The following CSMD1 variants were observed in gnomAD, a reference collection of about 807,000 sequenced individuals.
CSMD1 encodes the protein CUB and Sushi multiple domains 1, also known as CUB and sushi domain-containing protein 1.
A neutral mutation model predicts 417.5 loss-of-function variants in CSMD1; 213 were observed. The ratio of observed to expected loss-of-function variants is 0.51; its 90% confidence interval spans 0.46 to 0.57. CSMD1 has a LOEUF of 0.57. CSMD1 is among the 20% of genes least tolerant of loss of function. CSMD1 has a pLI of 0.00. For missense variants in CSMD1, 6,923 were observed against 4,529.7 expected (o/e 1.53, Z -15.17); for synonymous variants, 2,862 against 1,736.8 (o/e 1.65, Z -16.11).
At chr8:4,311,103 GA>G (rs1798537764) in intron 3 of CSMD1, among the ~76,000 whole-genome samples, 1 of 152,158 alleles carries the variant, frequency 6.6e-6, no homozygotes, top group African/African-American at 2.4e-5. Flanking sequence ...TATCTTCAAA[GA>G]GCTAGAAGCT....
rs183963095 is a variant in CSMD1, at chr8:4,281,315, T to C, written c.415+138638A>G. Among the ~76,000 whole-genome samples the C allele has an allele frequency of 2.1e-3, 313 of 152,320 alleles. 2 individuals carry two copies. Among genetic ancestry groups the C allele is most frequent in the Non-Finnish European group, 1.5e-3 (105 of 68,030 alleles). On this transcript the variant is annotated intron_variant, in intron 3 of 69. Coordinates refer to ENST00000635120, the MANE Select transcript of CSMD1 (RefSeq NM_033225.6). The stretch of plus-strand genomic sequence containing the variant: ...AGAGATATGAAAACCTGATAGTAAC[T>C]GCGAGAACAGGTGGTCCCAGGCCCA...
At chr8:4,222,964 T>A (rs182791086) in intron 3 of CSMD1, among the ~76,000 whole-genome samples, 50 of 152,182 alleles carry the variant, frequency 3.3e-4, no homozygotes, top group Admixed American at 2.7e-3. Context: ...AAAAAATAAT[T>A]TGGGCTTTGA....
chr8:4,462,843 AG>A (rs760374787), intron 2 of CSMD1, among the ~76,000 whole-genome samples: 27 of 152,218 alleles, frequency 1.8e-4, no homozygotes, highest in Middle Eastern at 3.4e-3. Context: ...CCCAAATGTA[AG>A]AAGTGCAGCT....
chr8:4,410,661 C>T (rs960088112), intron 3 of CSMD1, among the ~76,000 whole-genome samples: 1 of 151,704 alleles, frequency 6.6e-6, no homozygotes, highest in Non-Finnish European at 1.5e-5. Context: ...AGAAATTTGC[C>T]CCTGACACAA....
At chr8:3,569,612 C>G (rs1392972743) in intron 10 of CSMD1, among the ~76,000 whole-genome samples, 1 of 152,172 alleles carries the variant, frequency 6.6e-6, no homozygotes, top group Non-Finnish European at 1.5e-5. Context: ...TGGCAAGAGT[C>G]ATTGCATGGA....
Position 4,153,048 on chromosome 8 carries a change from G to A in CSMD1, c.416-120949C>T, listed in dbSNP as rs7006073. On this transcript the variant is annotated intron_variant, in intron 3 of 69. Coordinates refer to ENST00000635120, the MANE Select transcript of CSMD1 (RefSeq NM_033225.6). ...ACAATTGTAAAATGACTTGTAACGT[G>A]TTATTAACAGTTTTTGAAGGGGGTA... 4.6e-5 allele frequency among the ~76,000 whole-genome samples: 7 copies of A among 152,064 alleles called. No individual in the cohort carries two copies. In the East Asian group the frequency reaches 1.2e-3, roughly 25 times the overall value.
intron 1 of CSMD1, among the ~76,000 whole-genome samples, chr8:4,783,449 C>G (rs1563372858): frequency 6.6e-6 from 1 of 152,172 alleles, no homozygotes; most frequent in African/African-American, 2.4e-5. Context: ...TGGTAATCTG[C>G]TGCCCTGGTC....
intron 1 of CSMD1, among the ~76,000 whole-genome samples, chr8:4,908,775 T>C (rs548600298): frequency 2.3e-4 from 35 of 152,300 alleles, no homozygotes; most frequent in African/African-American, 8.4e-4. Flanking sequence ...ATGTTTCTGC[T>C]TGCATAGCTT....
intron 3 of CSMD1, among the ~76,000 whole-genome samples, chr8:4,075,892 T>C (rs981789062): frequency 1.3e-5 from 2 of 152,164 alleles, no homozygotes; most frequent in Admixed American, 1.3e-4. Flanking sequence ...GAAATTATAA[T>C]TGGAATCTTT....
At chr8:4,750,900 C>T (rs1400863791) in intron 1 of CSMD1, among the ~76,000 whole-genome samples, 1 of 152,182 alleles carries the variant, frequency 6.6e-6, no homozygotes, top group Non-Finnish European at 1.5e-5. Flanking sequence ...AGTACTAGGT[C>T]TTACTAATTT....
chr8:4,211,305 A>T (rs974908906), intron 3 of CSMD1, among the ~76,000 whole-genome samples: 2 of 152,128 alleles, frequency 1.3e-5, no homozygotes, highest in East Asian at 1.9e-4. Flanking sequence ...CTTTTCTTTA[A>T]TCTGCTATCA....
intron 25 of CSMD1, among the ~76,000 whole-genome samples, chr8:3,300,341 A>C (rs992568614): frequency 6.6e-6 from 1 of 151,156 alleles, no homozygotes; most frequent in East Asian, 1.9e-4. Flanking sequence ...GTTTAAGATT[A>C]CAGAAAACTA....
At chr8:4,849,657 A>G (rs1451064786) in intron 1 of CSMD1, among the ~76,000 whole-genome samples, 2 of 152,166 alleles carry the variant, frequency 1.3e-5, no homozygotes, top group African/African-American at 2.4e-5. Flanking sequence ...ATATTGTATT[A>G]TAGTTGTCCA....
intron 3 of CSMD1, among the ~76,000 whole-genome samples, chr8:4,273,138 T>G (rs1469333635): frequency 6.6e-6 from 1 of 152,146 alleles, no homozygotes; most frequent in Non-Finnish European, 1.5e-5. Context: ...GAGGGAAAAT[T>G]ACCATTTACT....
At chr8:4,218,634 G>A (rs78921542) in intron 3 of CSMD1, among the ~76,000 whole-genome samples, 6 of 151,952 alleles carry the variant, frequency 3.9e-5, no homozygotes, top group East Asian at 1.9e-4. Flanking sequence ...GTTTCATACC[G>A]ACAGTGATTT....
chr8:3,992,888 T>G (rs1814867724), intron 5 of CSMD1, among the ~76,000 whole-genome samples: 2 of 152,280 alleles, frequency 1.3e-5, no homozygotes, highest in Non-Finnish European at 2.9e-5. Context: ...ACGATGTCAC[T>G]GCTTTTCCAA....
At chr8:4,285,361 C>CA (rs1244352685) in intron 3 of CSMD1, among the ~76,000 whole-genome samples, 1 of 152,220 alleles carries the variant, frequency 6.6e-6, no homozygotes, top group Non-Finnish European at 1.5e-5. Flanking sequence ...TCTGAAACTG[C>CA]AGCCTTTCTA....
intron 1 of CSMD1, among the ~76,000 whole-genome samples, chr8:4,752,243 A>G (rs1444641096): frequency 6.6e-6 from 1 of 152,198 alleles, no homozygotes; most frequent in Non-Finnish European, 1.5e-5. Flanking sequence ...GTCTCAGTGT[A>G]TAACTGTGTA....
intron 3 of CSMD1, among the ~76,000 whole-genome samples, chr8:4,118,069 G>A (rs1400763735): frequency 2.6e-5 from 4 of 151,776 alleles, no homozygotes; most frequent in Non-Finnish European, 4.4e-5. Context: ...GTGTAACATC[G>A]GCCATATGAT....
Sources: gnomAD v4.1 joint callset for allele counts (sites outside exome capture counted in the v4.1 genomes callset) on GRCh38, gnomAD v4.1.1 for gene constraint, MANE v1.5 for transcripts, NCBI Gene and HGNC (gene_info 2026-07-23, HGNC 2026-07-21) for gene names.